RIT2: variants seen among roughly 807,000 people sequenced by gnomAD.
RIT2 encodes GTP-binding protein Rit2.
RIT2 carries 24 observed loss-of-function variants against 23.7 expected under a neutral mutation model. The observed-to-expected ratio is 1.01, with a 90% CI of 0.73 to 1.43. The LOEUF (loss-of-function observed/expected upper bound fraction) is 1.43, where lower values mean the gene tolerates loss of function less well. RIT2 is among the 40% of genes most tolerant of loss of function. The pLI, the probability that RIT2 is intolerant of heterozygous loss-of-function variation, is 0.00. For missense variants in RIT2, 236 were observed against 266.9 expected, an observed-to-expected ratio of 0.88 and a Z score of 0.81; for synonymous variants, 107 against 91.1, an observed-to-expected ratio of 1.17 and a Z score of -0.99.
chr18:42,802,194 G>T (rs542213626), intron 4 of RIT2, among the ~76,000 whole-genome samples: 1 of 152,050 alleles, frequency 6.6e-6, no homozygotes, highest in Admixed American at 6.6e-5. Context: ...TAGGATAAAC[G>T]TTAAGTCTTC....
chr18:42,851,015 T>C (rs375355865), intron 4 of RIT2, among the ~76,000 whole-genome samples: 3 of 152,210 alleles, frequency 2.0e-5, no homozygotes, highest in East Asian at 3.8e-4. Flanking sequence ...CAGTGATGTA[T>C]ACATAAGAGG....
rs192757642 is a variant in RIT2 at position 42,908,494 on chromosome 18, T to C, written c.426+15078A>G. Among the ~76,000 whole-genome samples, 7 of 152,296 alleles carry C rather than the reference T, an allele frequency of 4.6e-5. No homozygotes were observed. In the East Asian group the frequency reaches 1.4e-3, roughly 29 times the overall value. On this transcript the variant is annotated intron_variant, in intron 4 of 4. Transcript: ENST00000326695. ...ACCTAAAACTACACCAATCACATTA[T>C]AATTAAACTCTTGAAAACTAAACCC...
At chr18:42,931,034 A>G (rs1432475878) in intron 3 of RIT2, among the ~76,000 whole-genome samples, 2 of 152,000 alleles carry the variant, frequency 1.3e-5, no homozygotes, top group Non-Finnish European at 2.9e-5. Context: ...AGATTTTGGC[A>G]CTTATGCCTC....
intron 4 of RIT2, among the ~76,000 whole-genome samples, chr18:42,887,172 AG>A (rs1280894885): frequency 6.6e-6 from 1 of 152,210 alleles, no homozygotes; most frequent in Non-Finnish European, 1.5e-5. Flanking sequence ...GCTAAATAAA[AG>A]CACCCAAGAC....
chr18:43,074,822 C>T (rs965306388), intron 1 of RIT2, among the ~76,000 whole-genome samples: 3 of 152,186 alleles, frequency 2.0e-5, no homozygotes, highest in Admixed American at 6.5e-5. Flanking sequence ...CACATGTTCT[C>T]GCTTCTAAGC....
At chr18:43,001,447 C>T (rs781037182) in intron 2 of RIT2, among the ~76,000 whole-genome samples, 29 of 151,754 alleles carry the variant, frequency 1.9e-4, no homozygotes, top group Admixed American at 1.3e-3. Flanking sequence ...AAAGATAAGA[C>T]GGGTTTTATT....
chr18:42,811,898 C>T (rs568609439), intron 4 of RIT2, among the ~76,000 whole-genome samples: 15 of 152,000 alleles, frequency 9.9e-5, no homozygotes, highest in East Asian at 3.9e-4. Flanking sequence ...CTATTTCAAG[C>T]GAGAATTGGG....
At chr18:42,795,307 G>A (rs1020210472) in intron 4 of RIT2, among the ~76,000 whole-genome samples, 4 of 152,326 alleles carry the variant, frequency 2.6e-5, no homozygotes, top group African/African-American at 4.8e-5. Flanking sequence ...CTGGAGTTCC[G>A]GGTGGGCGTG....
At chr18:42,787,800 T>C (rs1335360848) in intron 4 of RIT2, among the ~76,000 whole-genome samples, 1 of 152,120 alleles carries the variant, frequency 6.6e-6, no homozygotes, top group African/African-American at 2.4e-5. Context: ...TTCAAACATT[T>C]TGGATCTCAA....
rs535197942 is a variant in RIT2, at chr18:42,775,656, C to T, written c.427-31936G>A. ...AGCTTGCAGTGAGCCTAGATCGCGC[C>T]ACTGCACTCCAGCCTGGGCGACAGA... On this transcript the variant is annotated intron_variant, in intron 4 of 4. Transcript: ENST00000326695. 8.0e-4 allele frequency among the ~76,000 whole-genome samples: 122 copies of T among 151,808 alleles called. 1 individual carries two copies. The highest frequency in any genetic ancestry group is 2.6e-3 in the African/African-American group (109 of 41,350).
At chr18:43,004,780 T>G (rs1911189743) in intron 2 of RIT2, among the ~76,000 whole-genome samples, 2 of 151,930 alleles carry the variant, frequency 1.3e-5, no homozygotes, top group Admixed American at 1.3e-4. Flanking sequence ...TTTCTTTCTG[T>G]AAGATTTTCA....
chr18:42,866,731 A>T (rs1490108888), intron 4 of RIT2, among the ~76,000 whole-genome samples: 1 of 152,086 alleles, frequency 6.6e-6, no homozygotes, highest in Admixed American at 6.6e-5. Flanking sequence ...TTCTTTAGAA[A>T]ATACCTCAAT....
chr18:43,082,695 A>T (rs1480469705), intron 1 of RIT2, among the ~76,000 whole-genome samples: 3 of 152,118 alleles, frequency 2.0e-5, no homozygotes, highest in Non-Finnish European at 4.4e-5. Flanking sequence ...ATGCAAAAAA[A>T]AACACACAAT....
intron 3 of RIT2, among the ~76,000 whole-genome samples, chr18:42,931,353 G>A (rs554310341): frequency 1.3e-5 from 2 of 152,210 alleles, no homozygotes; most frequent in South Asian, 4.2e-4. Flanking sequence ...TCCTGTACAT[G>A]TAAAGCCAGG....
At chr18:42,807,512 G>C (rs1905717003) in intron 4 of RIT2, among the ~76,000 whole-genome samples, 1 of 152,136 alleles carries the variant, frequency 6.6e-6, no homozygotes, top group African/African-American at 2.4e-5. Context: ...AACTACTGAG[G>C]AGGCGAAGGG....
chr18:43,016,126 C>T (rs776937240), intron 2 of RIT2, among the ~76,000 whole-genome samples: 8 of 151,790 alleles, frequency 5.3e-5, no homozygotes, highest in Admixed American at 6.6e-5. Flanking sequence ...GTTTAATGTA[C>T]AAAAGCATCA....
intron 2 of RIT2, among the ~76,000 whole-genome samples, chr18:42,975,897 A>AAT (rs1910467939): frequency 6.6e-6 from 1 of 152,052 alleles, no homozygotes; most frequent in East Asian, 1.9e-4. Context: ...CTTCTATTTT[A>AAT]ATGTAAGCAT....
intron 4 of RIT2, among the ~76,000 whole-genome samples, chr18:42,851,877 G>A (rs149678823): frequency 6.6e-6 from 1 of 152,220 alleles, no homozygotes; most frequent in African/African-American, 2.4e-5. Flanking sequence ...AGACAGGTAA[G>A]GGTCTCACAG....
At chr18:42,989,585 C>G (rs1033585134) in intron 2 of RIT2, among the ~76,000 whole-genome samples, 1 of 152,026 alleles carries the variant, frequency 6.6e-6, no homozygotes, top group African/African-American at 2.4e-5. Flanking sequence ...TTATTAAAAG[C>G]CATGGTTCAT....
Sources: gnomAD v4.1 joint callset for allele counts (sites outside exome capture counted in the v4.1 genomes callset) on GRCh38, gnomAD v4.1.1 for gene constraint, MANE v1.5 for transcripts, NCBI Gene and HGNC (gene_info 2026-07-23, HGNC 2026-07-21) for gene names.